The following STYXL2 variants were observed in gnomAD, a reference collection of about 807,000 sequenced individuals.
The protein encoded by STYXL2 is serine/threonine/tyrosine-interacting-like protein 2.
STYXL2 carries 44 observed loss-of-function variants against 52.4 expected under a neutral mutation model. That is an observed-to-expected ratio of 0.84 (90% CI 0.66 to 1.08). The LOEUF is 1.08. Among genes scored for constraint, STYXL2 ranks in the 50% least tolerant of loss-of-function variants. The pLI, the probability that STYXL2 is intolerant of heterozygous loss-of-function variation, is 0.00. For synonymous variants in STYXL2, 604 were observed against 586.9 expected (o/e 1.03, Z -0.42); for missense variants, 1,604 against 1,471.7 (o/e 1.09, Z -1.47).
chr1:167,108,171 C>G (rs752106704), intron 2 of STYXL2, among the ~76,000 whole-genome samples: 1 of 152,198 alleles, frequency 6.6e-6, no homozygotes, highest in Non-Finnish European at 1.5e-5. Context: ...TCCATCCATT[C>G]ATCCAGACAT....
chr1:167,102,677 T>C (rs1321903766), intron 2 of STYXL2, among the ~76,000 whole-genome samples: 2 of 152,234 alleles, frequency 1.3e-5, no homozygotes, highest in African/African-American at 2.4e-5. Flanking sequence ...TCTCTAATTC[T>C]GCCATGAGCA....
intron 4 of STYXL2, among the ~76,000 whole-genome samples, 198 bp downstream of exon 4, chr1:167,117,757 C>T (rs542444474): frequency 7.0e-4 from 106 of 152,316 alleles, no homozygotes; most frequent in African/African-American, 2.3e-3. Flanking sequence ...GGCAAGATGC[C>T]GCCATGACTG....
intron 2 of STYXL2, among the ~76,000 whole-genome samples, chr1:167,103,854 G>A (rs567645775): frequency 6.6e-6 from 1 of 152,284 alleles, no homozygotes; most frequent in East Asian, 1.9e-4. Flanking sequence ...GGGCGCGGTG[G>A]CTCACGCCTG....
intron 2 of STYXL2, among the ~76,000 whole-genome samples, chr1:167,099,353 A>G (rs1667355912): frequency 6.6e-6 from 1 of 152,236 alleles, no homozygotes; most frequent in African/African-American, 2.4e-5. Flanking sequence ...AAATTAACCT[A>G]ATGAGCATTT....
intron 5 of STYXL2, among the ~76,000 whole-genome samples, chr1:167,121,565 A>AGCCAT (rs1208830018): frequency 1.3e-5 from 2 of 152,264 alleles, no homozygotes; most frequent in Non-Finnish European, 2.9e-5. Flanking sequence ...CAGAAGCGAT[A>AGCCAT]GCCAGCCTTG....
In STYXL2 at chr1:167,128,530, C is replaced by T. The variant is rs537018397; in HGVS notation, c.3399C>T (p.Asp1133=). ...ACAGGGAGGAAGAGGAAGAAATGGACGATGAAGCCATCATTGCTGCTTGGA... is the reference window on the plus strand; with the variant it reads ...ACAGGGAGGAAGAGGAAGAAATGGATGATGAAGCCATCATTGCTGCTTGGA... ...STDREEEEEM[D]DEAIIAAWRR... is the part of the protein sequence containing the mutation. Residue 1133 remains aspartate, a synonymous_variant, in exon 6 of 6, where the codon GAC becomes GAT. Transcript: ENST00000361200. 3.5e-4 allele frequency: 559 copies of T among 1,613,854 alleles called. 4 individuals carry two copies. In the South Asian group the frequency reaches 5.4e-3, roughly 16 times the overall value.
chr1:167,128,893 GGC>G lies in STYXL2; in HGVS notation c.*286_*287del, dbSNP rs1455986124. On this transcript the variant is annotated 3_prime_UTR_variant, in exon 6 of 6. Coordinates refer to ENST00000361200, the MANE Select transcript of STYXL2 (RefSeq NM_001080426.3). The stretch of plus-strand genomic sequence containing the variant: ...CTTTGGTGTTTCACTTAATGTATTT[GGC>G]AGTGTTCATCACAGGCTAGAGAGGT... 1.8e-5 allele frequency: 7 copies of G among 397,242 alleles called. No individual in the cohort carries two copies. The highest frequency in any genetic ancestry group is 1.4e-4 in the African/African-American group (7 of 49,074). 24.6% of individuals were successfully genotyped at this position (397,242 alleles called of 1,614,324 possible). A position where few individuals can be genotyped will look rare whatever the true frequency, so the allele number is the denominator to read the frequency against.
chr1:167,119,525 G>T, intron 5 of STYXL2, 59 bp downstream of exon 5: 1 of 1,487,136 alleles, frequency 6.7e-7, no homozygotes, highest in Non-Finnish European at 9.3e-7. Flanking sequence ...GTAATGTGGG[G>T]AATGTTATGA....
chr1:167,126,880 C>A lies in STYXL2; in HGVS notation c.1749C>A (p.Asp583Glu), dbSNP rs1399273004. 5 of 1,612,930 alleles carry A rather than the reference C, an allele frequency of 3.1e-6. No homozygotes were observed. The highest frequency in any genetic ancestry group is 4.5e-5 in the East Asian group (2 of 44,872). ...EEAVGEKNPS[D>E]VSLTAYQAWK... is the part of the protein sequence containing the mutation. The stretch of plus-strand genomic sequence containing the variant: ...CAGTAGGGGAGAAGAACCCCTCCGA[C>A]GTCAGCCTGACAGCCTACCAGGCCT... Residue 583 changes from aspartate (D) to glutamate (E), a missense_variant, in exon 6 of 6, where the codon GAC (aspartate) becomes GAA (glutamate). Physicochemically the swap from Asp to Glu is conservative, Grantham distance 45. Coordinates refer to ENST00000361200, the MANE Select transcript of STYXL2 (RefSeq NM_001080426.3).
At chr1:167,103,217 T>G (rs2102225003) in intron 2 of STYXL2, among the ~76,000 whole-genome samples, 1 of 152,310 alleles carries the variant, frequency 6.6e-6, no homozygotes. Flanking sequence ...TAGGGTTATC[T>G]CATCTCAAAA....
chr1:167,122,003 G>C (rs1405353768), intron 5 of STYXL2, among the ~76,000 whole-genome samples: 1 of 152,154 alleles, frequency 6.6e-6, no homozygotes, highest in Non-Finnish European at 1.5e-5. Flanking sequence ...GTCAGTTCTT[G>C]ACCAGAACAG....
chr1:167,123,251 C>T (rs999858031), intron 5 of STYXL2, among the ~76,000 whole-genome samples: 4 of 152,196 alleles, frequency 2.6e-5, no homozygotes, highest in African/African-American at 9.7e-5. Context: ...CCCTGAGTCT[C>T]ACCCACCCAG....
Position 167,127,005 on chromosome 1 carries a change from G to A in STYXL2, c.1874G>A (p.Arg625Gln), listed in dbSNP as rs747073864. The change falls in exon 6 of 6, where the codon CGG becomes CAG. Residue 625 changes from arginine to glutamine, a missense_variant. Physicochemically the swap from Arg to Gln is conservative, Grantham distance 43 (BLOSUM62 1). Coordinates refer to ENST00000361200, the MANE Select transcript of STYXL2 (RefSeq NM_001080426.3). ...EDSALAKKRQ[R>Q]RLELLERSRQ... ...TCGGCCTTGGCTAAGAAGAGACAAC[G>A]GAGGCTGGAGCTGCTGGAGAGAAGC... 29 of 1,607,108 alleles carry A rather than the reference G, an allele frequency of 1.8e-5. No homozygotes were observed. The highest frequency in any genetic ancestry group is 4.4e-5 in the South Asian group (4 of 90,006).
intron 2 of STYXL2, among the ~76,000 whole-genome samples, chr1:167,102,656 G>C (rs950895141): frequency 1.3e-5 from 2 of 152,108 alleles, no homozygotes; most frequent in Admixed American, 6.5e-5. Flanking sequence ...CACTGATTAA[G>C]ACATCATGCT....
chr1:167,126,970 G>A lies in STYXL2; in HGVS notation c.1839G>A (p.Lys613=), dbSNP rs778336860. The A allele has an allele frequency of 4.3e-6, 7 of 1,610,268 alleles. No homozygotes were observed. Among genetic ancestry groups the A allele is most frequent in the Admixed American group, 1.7e-5 (1 of 59,740 alleles). ...AGGAGGAGGTGGTGGAGCTCAGCAA[G>A]GGGGAGGACTCGGCCTTGGCTAAGA... ...ENKEEVVELS[K]GEDSALAKKR... Residue 613 remains lysine, a synonymous_variant, in exon 6 of 6, where the codon AAG becomes AAA. Coordinates refer to ENST00000361200, the MANE Select transcript of STYXL2 (RefSeq NM_001080426.3).
At chr1:167,110,730 A>T (rs1374156188) in intron 2 of STYXL2, among the ~76,000 whole-genome samples, 2 of 152,212 alleles carry the variant, frequency 1.3e-5, no homozygotes, top group Non-Finnish European at 2.9e-5. Context: ...GAAACAAAGC[A>T]AATGTCAACC....
chr1:167,127,645 G>T lies in STYXL2; in HGVS notation c.2514G>T (p.Arg838=), dbSNP rs1171416207. Residue 838 remains arginine (R), a synonymous_variant, in exon 6 of 6, where the codon CGG becomes CGT. Coordinates refer to ENST00000361200, the MANE Select transcript of STYXL2 (RefSeq NM_001080426.3). ...ATGTGGACCTAAAGGAACTTGGCCG[G>T]AAGGAGAAGGAGATGCAGATGGAGC... ...ADNVDLKELG[R]KEKEMQMELR... 6.2e-7 allele frequency: 1 copy of T among 1,614,054 alleles called. No individual in the cohort carries two copies. The highest frequency in any genetic ancestry group is 1.3e-5 in the African/African-American group (1 of 74,916).
rs760626149 is a variant in STYXL2 at position 167,126,899 on chromosome 1, C to A, written c.1768C>A (p.Gln590Lys). 6 of 1,612,014 alleles carry A rather than the reference C, an allele frequency of 3.7e-6. No individual in the cohort carries two copies. Among genetic ancestry groups the A allele is most frequent in the Middle Eastern group, 1.7e-4 (1 of 6,052 alleles). Reference sequence around the variant, plus strand: ...CTCCGACGTCAGCCTGACAGCCTACCAGGCCTGGAAGCTGAAACACCAGAA... The same window carrying A: ...CTCCGACGTCAGCCTGACAGCCTACAAGGCCTGGAAGCTGAAACACCAGAA... ...NPSDVSLTAY[Q>K]AWKLKHQKKV... Residue 590 changes from glutamine (Q) to lysine (K), a missense_variant, in exon 6 of 6, where the codon CAG (glutamine) becomes AAG (lysine). Coordinates refer to ENST00000361200, the MANE Select transcript of STYXL2 (RefSeq NM_001080426.3).
rs757644272 is a variant in STYXL2, at chr1:167,126,185, G to T, written c.1054G>T (p.Glu352Ter). ...CGAGGAGGAGGAGGAGAAACTGTAC[G>T]AGCAGTGGAAGAAGGGGCAGGGCCT... ...IDEEEEEKLYEQWKKGQGLLS... is the reference protein window; with the variant it reads ...IDEEEEEKLY The change falls in exon 6 of 6, where the codon GAG (glutamate) becomes TAG (stop). Residue 352 changes from glutamate (E) to a stop codon, truncating the protein, a stop_gained. Transcript: ENST00000361200. LOFTEE classifies it low-confidence loss of function (END_TRUNC). 6.6e-7 allele frequency: 1 copy of T among 1,522,990 alleles called. No individual in the cohort carries two copies. Among genetic ancestry groups the T allele is most frequent in the Admixed American group, 2.2e-5 (1 of 44,634 alleles). 94.3% of individuals were successfully genotyped at this position (1,522,990 alleles called of 1,614,324 possible).
Sources: gnomAD v4.1 joint callset for allele counts (sites outside exome capture counted in the v4.1 genomes callset) on GRCh38, gnomAD v4.1.1 for gene constraint, MANE v1.5 for transcripts, NCBI Gene and HGNC (gene_info 2026-07-23, HGNC 2026-07-21) for gene names.